PIK3C2G: variants seen among roughly 807,000 people sequenced by gnomAD.
PIK3C2G encodes the protein phosphatidylinositol-4-phosphate 3-kinase catalytic subunit type 2 gamma.
A neutral mutation model predicts 181.1 loss-of-function variants in PIK3C2G; 168 were observed. The observed-to-expected ratio is 0.93, with a 90% CI of 0.82 to 1.05. The LOEUF is 1.05. PIK3C2G is among the 50% of genes least tolerant of loss of function. The probability of loss-of-function intolerance (pLI) is 0.00; values close to 1 mark genes in which losing one functional copy is unlikely to be tolerated. For missense variants in PIK3C2G, 1,869 were observed against 1,732.8 expected (o/e 1.08, Z -1.40); for synonymous variants, 573 against 592.2 (o/e 0.97, Z 0.47).
At chr12:18,641,116 T>C (rs898570714) in intron 32 of PIK3C2G, among the ~76,000 whole-genome samples, 4 of 152,176 alleles carry the variant, frequency 2.6e-5, no homozygotes, top group Admixed American at 6.5e-5. Flanking sequence ...GCTGCTTATT[T>C]GTGTTCCTTT....
intron 6 of PIK3C2G, among the ~76,000 whole-genome samples, chr12:18,315,418 A>G (rs888597187): frequency 6.6e-6 from 1 of 152,198 alleles, no homozygotes; most frequent in African/African-American, 2.4e-5. Context: ...AGCTGAAATC[A>G]TCATAGTTCA....
intron 25 of PIK3C2G, among the ~76,000 whole-genome samples, chr12:18,541,577 G>C (rs1270513273): frequency 6.6e-6 from 1 of 151,910 alleles, no homozygotes; most frequent in Non-Finnish European, 1.5e-5. Context: ...TGATGGGGAA[G>C]AGTGTCTGCT....
At position 18,294,988 on chromosome 12, in the gene PIK3C2G, C is replaced by T. The variant is rs186445623; in HGVS notation, c.1034+973C>T. On this transcript the variant is annotated intron_variant, in intron 5 of 32. Transcript: ENST00000538779. The stretch of plus-strand genomic sequence containing the variant: ...CCAGTTCTTTACTGTGCAGTGTTAA[C>T]AGTGAATGGCCTTAAGACTATTTTC... Among the ~76,000 whole-genome samples, 4 of 142,012 alleles carry T rather than the reference C, an allele frequency of 2.8e-5. No homozygotes were observed. In the Admixed American group the frequency reaches 3.0e-4, roughly 10 times the overall value. 93.2% of individuals were successfully genotyped at this position (142,012 alleles called of 152,430 possible).
Position 18,290,815 on chromosome 12 carries a change from G to T in PIK3C2G, c.762-40G>T, listed in dbSNP as rs183022455. On this transcript the variant is annotated intron_variant, in intron 3 of 32. Coordinates refer to ENST00000538779, the MANE Select transcript of PIK3C2G (RefSeq NM_001288772.2). The stretch of plus-strand genomic sequence containing the variant: ...AATATGTTTTAAACTGTGTCTTGCA[G>T]GTCTTGTCCTAAGTATTTTTCTTAA... 12 of 1,312,790 alleles carry T rather than the reference G, an allele frequency of 9.1e-6. No homozygotes were observed. The African/African-American group carries it at 1.6e-4, about 17-fold the overall frequency. 81.3% of individuals were successfully genotyped at this position (1,312,790 alleles called of 1,614,324 possible).
chr12:18,693,397 A>C, the PIK3C2G span: 2 of 1,604,786 alleles, frequency 1.2e-6, no homozygotes, highest in Non-Finnish European at 8.5e-7. Context: ...CCTCTCACCC[A>C]TCCTGAATAT....
At chr12:18,561,800 A>C (rs1945359429) in intron 26 of PIK3C2G, among the ~76,000 whole-genome samples, 1 of 152,044 alleles carries the variant, frequency 6.6e-6, no homozygotes, top group South Asian at 2.1e-4. Context: ...CACCAAAAAC[A>C]AAGGAAAACA....
In PIK3C2G at chr12:18,286,927, A is replaced by G; in HGVS notation, c.759A>G (p.Lys253=). Residue 253 remains lysine, a splice_region_variant and synonymous_variant, in exon 3 of 33, where the codon AAA becomes AAG. Coordinates refer to ENST00000538779, the MANE Select transcript of PIK3C2G (RefSeq NM_001288772.2). Reference sequence around the variant, plus strand: ...TGGCCTCTTTTTGCAACAAAGTAAAAAAGTGAGTACTGGTATTTCATTAAA... The same window carrying G: ...TGGCCTCTTTTTGCAACAAAGTAAAGAAGTGAGTACTGGTATTTCATTAAA... ...TSLASFCNKV[K]KIRERYHAAD... The G allele has an allele frequency of 6.6e-7, 1 of 1,525,816 alleles. No individual in the cohort carries two copies. Among genetic ancestry groups the G allele is most frequent in the South Asian group, 1.3e-5 (1 of 79,614 alleles). 94.5% of individuals were successfully genotyped at this position (1,525,816 alleles called of 1,614,324 possible).
intron 6 of PIK3C2G, among the ~76,000 whole-genome samples, 162 bp from the exon 7 acceptor site, chr12:18,320,794 ATATAGT>A (rs1433247742): frequency 3.9e-5 from 6 of 152,248 alleles, no homozygotes; most frequent in African/African-American, 1.4e-4. Context: ...GAAAAGGCTT[ATATAGT>A]TAAGGAGAGC....
chr12:18,488,386 G>A, intron 18 of PIK3C2G, 63 bp from the exon 19 acceptor site: 4 of 1,144,854 alleles, frequency 3.5e-6, no homozygotes, highest in Non-Finnish European at 3.5e-6. Context: ...TACTGTTCCG[G>A]CTGGATGTGG....
At chr12:18,486,355 G>A (rs1392859158) in intron 18 of PIK3C2G, among the ~76,000 whole-genome samples, 4 of 151,912 alleles carry the variant, frequency 2.6e-5, no homozygotes, top group East Asian at 1.9e-4. Context: ...TCCCCTGCTC[G>A]GTTTTATTTT....
the PIK3C2G span, chr12:18,705,182 G>T: frequency 6.2e-7 from 1 of 1,614,044 alleles, no homozygotes; most frequent in Middle Eastern, 1.7e-4. Context: ...TGATGGTAGA[G>T]TATCAGGAAA....
intron 16 of PIK3C2G, among the ~76,000 whole-genome samples, chr12:18,405,671 G>T (rs1172178499): frequency 6.6e-6 from 1 of 152,080 alleles, no homozygotes; most frequent in South Asian, 2.1e-4. Context: ...GTATTAAATA[G>T]AATTAGGTCT....
intron 11 of PIK3C2G, among the ~76,000 whole-genome samples, chr12:18,359,192 G>T (rs904159890): frequency 2.6e-5 from 4 of 152,216 alleles, no homozygotes; most frequent in Non-Finnish European, 5.9e-5. Context: ...TCTTTGAACT[G>T]TTGGTTTTGC....
intron 18 of PIK3C2G, among the ~76,000 whole-genome samples, chr12:18,427,985 C>A (rs1945933515): frequency 6.6e-6 from 1 of 151,984 alleles, no homozygotes; most frequent in South Asian, 2.1e-4. Context: ...CATAGGTAAA[C>A]ATGTGTCATG....
intron 25 of PIK3C2G, among the ~76,000 whole-genome samples, chr12:18,545,509 T>A (rs1461464722): frequency 1.4e-5 from 2 of 141,048 alleles, no homozygotes; most frequent in Non-Finnish European, 3.0e-5. Context: ...ACAGTCTTCA[T>A]TTTTTTTTTT....
intron 10 of PIK3C2G, among the ~76,000 whole-genome samples, chr12:18,346,188 A>T (rs528608405): frequency 6.6e-6 from 1 of 152,300 alleles, no homozygotes; most frequent in African/African-American, 2.4e-5. Flanking sequence ...ATTGTATATG[A>T]TTAGTGTTCA....
At chr12:18,580,189 A>G (rs921259078) in intron 29 of PIK3C2G, among the ~76,000 whole-genome samples, 6 of 152,106 alleles carry the variant, frequency 3.9e-5, no homozygotes, top group Non-Finnish European at 8.8e-5. Context: ...AGTAATAGCA[A>G]ATGATAGCAG....
intron 8 of PIK3C2G, among the ~76,000 whole-genome samples, chr12:18,332,712 C>G (rs1480535674): frequency 6.6e-6 from 1 of 152,162 alleles, no homozygotes; most frequent in East Asian, 1.9e-4. Flanking sequence ...TCTCCAGAAG[C>G]AAGGGGTTTT....
At chr12:18,423,545 C>T (rs1485825805) in intron 17 of PIK3C2G, among the ~76,000 whole-genome samples, 3 of 152,068 alleles carry the variant, frequency 2.0e-5, no homozygotes, top group Non-Finnish European at 2.9e-5. Flanking sequence ...TAATGATACA[C>T]CAGTTGATGA....
Sources: allele counts gnomAD v4.1 joint callset (sites outside exome capture counted in the v4.1 genomes callset), GRCh38; gene constraint gnomAD v4.1.1; transcripts MANE v1.5; gene names NCBI Gene and HGNC (gene_info 2026-07-23, HGNC 2026-07-21).